The following XRCC6 variants were observed in gnomAD, a reference collection of about 807,000 sequenced individuals.
XRCC6 encodes the protein X-ray repair cross complementing 6.
In XRCC6, 5 loss-of-function variants were observed where a neutral mutation model predicts 65.7. The ratio of observed to expected loss-of-function variants is 0.08; its 90% CI spans 0.04 to 0.16. XRCC6 has a LOEUF of 0.16. XRCC6 is among the 10% of genes least tolerant of loss of function. XRCC6 has a pLI of 1.00. For missense variants in XRCC6, 447 were observed against 738.1 expected, an observed-to-expected ratio of 0.61 and a Z score of 4.57; for synonymous variants, 270 against 270.6, an observed-to-expected ratio of 1.00 and a Z score of 0.02.
intron 6 of XRCC6, among the ~76,000 whole-genome samples, chr22:41,638,997 G>A (rs1412766804): frequency 6.6e-6 from 1 of 152,068 alleles, no homozygotes; most frequent in East Asian, 1.9e-4. Flanking sequence ...TGCCTTGTGC[G>A]ACAAACTTAC....
At chr22:41,637,070 T>C (rs1569086058) in intron 5 of XRCC6, among the ~76,000 whole-genome samples, 1 of 148,468 alleles carries the variant, frequency 6.7e-6, no homozygotes, top group Non-Finnish European at 1.5e-5. Flanking sequence ...CAGAACAAGA[T>C]TGTCTTGATT....
chr22:41,627,839 A>G (rs778050703), intron 2 of XRCC6, among the ~76,000 whole-genome samples: 5 of 151,828 alleles, frequency 3.3e-5, no homozygotes, highest in Non-Finnish European at 5.9e-5. Flanking sequence ...GCGTCACTGC[A>G]CTCCAGCCTG....
intron 11 of XRCC6, 52 bp from the exon 12 acceptor site, chr22:41,661,278 CA>C (rs1282808368): frequency 6.6e-7 from 1 of 1,512,656 alleles, no homozygotes; most frequent in African/African-American, 1.4e-5. Flanking sequence ...AAGTGGACAG[CA>C]AGCTGGGGCT....
chr22:41,629,068 A>T (rs2067711712), intron 3 of XRCC6, among the ~76,000 whole-genome samples: 1 of 152,100 alleles, frequency 6.6e-6, no homozygotes, highest in African/African-American at 2.4e-5. Context: ...AGAAAGGCAA[A>T]TGAAAACCAT....
intron 6 of XRCC6, among the ~76,000 whole-genome samples, chr22:41,639,158 C>T (rs28384734): frequency 0.015 from 2,263 of 151,976 alleles, 53 homozygotes; most frequent in African/African-American, 0.051. Context: ...AAATTGGTGA[C>T]AACAATACCT....
chr22:41,637,055 T>C (rs924424209), intron 5 of XRCC6, among the ~76,000 whole-genome samples: 10 of 151,304 alleles, frequency 6.6e-5, no homozygotes, highest in African/African-American at 1.9e-4. Context: ...TCTAAAGGAC[T>C]CTGTCAGAAC....
chr22:41,628,282 A>T (rs1569079808), intron 3 of XRCC6, 52 bp downstream of exon 3: 1 of 1,491,818 alleles, frequency 6.7e-7, no homozygotes, highest in Non-Finnish European at 9.3e-7. Flanking sequence ...TTGGCTGGGC[A>T]TGGTGGCGGC....
At chr22:41,631,277 A>G (rs2067745889) in intron 3 of XRCC6, among the ~76,000 whole-genome samples, 1 of 141,412 alleles carries the variant, frequency 7.1e-6, no homozygotes, top group Non-Finnish European at 1.5e-5. Context: ...CTGACCCCCC[A>G]CCTCCCTCCC....
intron 10 of XRCC6, among the ~76,000 whole-genome samples, chr22:41,657,517 A>G (rs1259603114): frequency 6.8e-6 from 1 of 146,030 alleles, no homozygotes; most frequent in Admixed American, 6.9e-5. Context: ...TATTATTATT[A>G]TTATTATTAT....
Position 41,661,393 on chromosome 22 carries a change from G to T in XRCC6, c.1585G>T (p.Val529Phe). 6.2e-7 allele frequency: 1 copy of T among 1,614,128 alleles called. No individual in the cohort carries two copies. Among genetic ancestry groups the T allele is most frequent in the Non-Finnish European group, 8.5e-7 (1 of 1,180,006 alleles). ...CTTGGTGGATGAGTTTAAGGAGCTT[G>T]TTTACCCACCAGATTACAATCCTGA... ...GSLVDEFKEL[V>F]YPPDYNPEGK... Residue 529 changes from valine to phenylalanine, a missense_variant, in exon 12 of 13, where the codon GTT becomes TTT. This residue lies in a region of XRCC6 where 201 missense variants were observed against 374.1 expected (regional missense o/e 0.54). Coordinates refer to ENST00000360079, the MANE Select transcript of XRCC6 (RefSeq NM_001469.5).
intron 6 of XRCC6, among the ~76,000 whole-genome samples, chr22:41,638,189 TG>T (rs1485975407): frequency 4.6e-5 from 7 of 152,032 alleles, no homozygotes; most frequent in African/African-American, 1.7e-4. Flanking sequence ...CTCCATTTCG[TG>T]GGGGTAGACA....
rs567784176 is a variant in XRCC6 at position 41,650,918 on chromosome 22, G to A, written c.1129+27G>A. On this transcript the variant is annotated intron_variant, in intron 8 of 12. Transcript: ENST00000360079. ...TAAGTAGCGTGGACCATGGATGAGTGACTCTAACACACAGTGCAGTTTACG... is the reference window on the plus strand; with the variant it reads ...TAAGTAGCGTGGACCATGGATGAGTAACTCTAACACACAGTGCAGTTTACG... 1.9e-6 allele frequency: 3 copies of A among 1,613,550 alleles called. No individual in the cohort carries two copies. The South Asian group carries it at 3.3e-5, about 18-fold the overall frequency.
In XRCC6 at chr22:41,636,588, G is replaced by C. The variant is rs1339715918; in HGVS notation, c.407G>C (p.Gly136Ala). The C allele has an allele frequency of 6.2e-7, 1 of 1,613,992 alleles. No individual in the cohort carries two copies. The highest frequency in any genetic ancestry group is 1.1e-5 in the South Asian group (1 of 91,078). The change falls in exon 5 of 13, where the codon GGC becomes GCC. Residue 136 changes from glycine to alanine, a missense_variant. This residue lies in a region of XRCC6 where 228 missense variants were observed against 307.4 expected (regional missense o/e 0.74). Transcript: ENST00000360079. The stretch of plus-strand genomic sequence containing the variant: ...CAAAAACGTTTCCAAGACATGATGG[G>C]CCACGGATCTGACTACTCACTCAGT... ...QGQKRFQDMM[G>A]HGSDYSLSEV...
At chr22:41,652,968 G>A (rs894528718) in intron 8 of XRCC6, among the ~76,000 whole-genome samples, 3 of 151,856 alleles carry the variant, frequency 2.0e-5, no homozygotes, top group African/African-American at 4.8e-5. Context: ...CACCATGCCC[G>A]GCCATAATTC....
In XRCC6 at chr22:41,657,005, T is replaced by C; in HGVS notation, c.1394T>C (p.Ile465Thr). The change falls in exon 10 of 13, where the codon ATC becomes ACC. Residue 465 changes from isoleucine (I) to threonine (T), a missense_variant. Ile to Thr is a moderately conservative substitution (Grantham distance 89). Coordinates refer to ENST00000360079, the MANE Select transcript of XRCC6 (RefSeq NM_001469.5). ...GAGCAGGTGGGCAAGATGAAGGCTATCGTTGAGAAGCTTCGCTTCACATAC... is the reference window on the plus strand; with the variant it reads ...GAGCAGGTGGGCAAGATGAAGGCTACCGTTGAGAAGCTTCGCTTCACATAC... ...TPEQVGKMKA[I>T]VEKLRFTYRS... is the part of the protein sequence containing the mutation. 6.3e-7 allele frequency: 1 copy of C among 1,598,550 alleles called. No individual in the cohort carries two copies. Among genetic ancestry groups the C allele is most frequent in the Non-Finnish European group, 8.5e-7 (1 of 1,175,874 alleles).
chr22:41,632,838 A>G (rs1472545597), intron 3 of XRCC6, among the ~76,000 whole-genome samples: 1 of 150,708 alleles, frequency 6.6e-6, no homozygotes, highest in African/African-American at 2.4e-5. Flanking sequence ...AAAAAAAAAA[A>G]AAAGAAAAGG....
intron 7 of XRCC6, among the ~76,000 whole-genome samples, chr22:41,649,139 A>AAAAAAAAAATATATATATATAT: frequency 1.1e-5 from 1 of 88,732 alleles, no homozygotes; most frequent in Non-Finnish European, 2.1e-5. Context: ...AAAAAAAAAA[A>AAAAAAAAAATATATATATATAT]ATATATATAT....
At position 41,649,874 on chromosome 22, in the gene XRCC6, G is replaced by C. The variant is rs577050753; in HGVS notation, c.961-849G>C. ...ATAATAATAAATAAATAAATAAATA[G>C]ATATGGTTTGGGCTGGGCACAGTGG... is the stretch of plus-strand genomic sequence containing the variant. On this transcript the variant is annotated intron_variant, in intron 7 of 12. Transcript: ENST00000360079. Among the ~76,000 whole-genome samples, 186 of 151,174 alleles carry C rather than the reference G, an allele frequency of 1.2e-3. 1 individual carries two copies. The highest frequency in any genetic ancestry group is 4.3e-3 in the African/African-American group (176 of 41,252).
At chr22:41,657,417 A>G (rs754344839) in intron 10 of XRCC6, among the ~76,000 whole-genome samples, 12 of 151,836 alleles carry the variant, frequency 7.9e-5, no homozygotes, top group Non-Finnish European at 1.6e-4. Context: ...TCTCACATAT[A>G]TAATAGACCA....
Sources: allele counts gnomAD v4.1 joint callset (sites outside exome capture counted in the v4.1 genomes callset), GRCh38; gene constraint gnomAD v4.1.1; regional missense constraint gnomAD v4.1.1; transcripts MANE v1.5; gene names NCBI Gene and HGNC (gene_info 2026-07-23, HGNC 2026-07-21).